Variants in FOXP4 observed in about 807,000 individuals in gnomAD.
FOXP4 encodes the protein forkhead box protein P4.
In FOXP4, 25 loss-of-function variants were observed where a neutral mutation model predicts 82.6. The observed-to-expected ratio is 0.30, with a 90% CI of 0.22 to 0.42. FOXP4 has a LOEUF of 0.42. FOXP4 is among the 10% of genes least tolerant of loss of function. FOXP4 has a pLI of 1.00. For synonymous variants in FOXP4, 415 were observed against 388.2 expected, an observed-to-expected ratio of 1.07 and a Z score of -0.81; for missense variants, 785 against 900.9, an observed-to-expected ratio of 0.87 and a Z score of 1.65.
At chr6:41,584,167 C>T (rs1267574398) in intron 3 of FOXP4, among the ~76,000 whole-genome samples, 1 of 152,226 alleles carries the variant, frequency 6.6e-6, no homozygotes, top group Non-Finnish European at 1.5e-5. Flanking sequence ...CTGTGGGCTT[C>T]ACCTCTGGCC....
chr6:41,566,611 A>G (rs1764895184), intron 2 of FOXP4, among the ~76,000 whole-genome samples: 1 of 152,222 alleles, frequency 6.6e-6, no homozygotes, highest in Non-Finnish European at 1.5e-5. Context: ...TAGAGGCACT[A>G]GGATGGGTCT....
chr6:41,590,235 A>G (rs928847564), intron 11 of FOXP4, 36 bp from the exon 12 acceptor site: 32 of 1,612,876 alleles, frequency 2.0e-5, no homozygotes, highest in Non-Finnish European at 2.5e-5. Flanking sequence ...TCTGAGCCCC[A>G]TATCTGGCTA....
chr6:41,589,927 G>T, intron 10 of FOXP4, 36 bp from the exon 11 acceptor site: 1 of 1,603,728 alleles, frequency 6.2e-7, no homozygotes, highest in Admixed American at 1.7e-5. Context: ...CCCCACCCTC[G>T]GGCACTGGTC....
intron 1 of FOXP4, among the ~76,000 whole-genome samples, chr6:41,565,308 C>T (rs9369290): frequency 0.35 from 52,903 of 151,942 alleles, 9,816 homozygotes; most frequent in African/African-American, 0.47. Flanking sequence ...TGCAGTGAGC[C>T]GAGATCGCAC....
intron 5 of FOXP4, among the ~76,000 whole-genome samples, chr6:41,586,455 G>A (rs767294456): frequency 1.3e-5 from 2 of 152,232 alleles, no homozygotes; most frequent in Admixed American, 6.5e-5. Flanking sequence ...CGAGTACAGG[G>A]CGCCTGGGCA....
In FOXP4 at chr6:41,598,893, A is replaced by G. The variant is rs1297364191; in HGVS notation, c.2000A>G (p.Asp667Gly). 3 of 1,607,324 alleles carry G rather than the reference A, an allele frequency of 1.9e-6. No homozygotes were observed. The highest frequency in any genetic ancestry group is 2.5e-6 in the Non-Finnish European group (3 of 1,177,914). Residue 667 changes from aspartate (D) to glycine (G), a missense_variant, in exon 17 of 17, where the codon GAC (aspartate) becomes GGC (glycine). This residue lies in a region of FOXP4 where 184 missense variants were observed against 187.3 expected (regional missense o/e 0.98). Transcript: ENST00000307972. ...CCCAGCGCCTCGGGGCCTCCGGAAG[A>G]CAGGGACCTGGAGGAGGAGCTGCCG... ...PNPSASGPPE[D>G]RDLEEELPGE...
Position 41,570,079 on chromosome 6 carries a change from GACAC to G in FOXP4, c.204+4150_204+4153del, listed in dbSNP as rs35549847. 5.3e-3 allele frequency: 660 copies of G among 123,880 alleles called. 5 individuals are homozygous for G. Among genetic ancestry groups the G allele is most frequent in the African/African-American group, 0.017 (447 of 26,176 alleles). 7.7% of individuals were successfully genotyped at this position (123,880 alleles called of 1,614,324 possible). ...GTGAATTTGCCCCCCACCACCCCCTGACACACACACACACACACACACACACACA... is the reference window on the plus strand; with the variant it reads ...GTGAATTTGCCCCCCACCACCCCCTGACACACACACACACACACACACACA... On this transcript the variant is annotated intron_variant, in intron 2 of 16. Transcript: ENST00000307972.
chr6:41,597,865 A>G lies in FOXP4; in HGVS notation c.1810A>G (p.Ser604Gly). The change falls in exon 16 of 17, where the codon AGC (serine) becomes GGC (glycine). Residue 604 changes from serine to glycine, a missense_variant. Ser to Gly is a moderately conservative substitution (Grantham distance 56, BLOSUM62 0). Around this residue, in one of 3 missense-constraint regions of FOXP4, gnomAD observed 184 missense variants for 187.3 expected, o/e 0.98. Transcript: ENST00000307972. The stretch of plus-strand genomic sequence containing the variant: ...CTCCGCCAGCAGCCTGCTGCCCCTC[A>G]GCCACGATGACGTGGGTGCCCCCGT... Reference protein sequence around the residue: ...PGSASSLLPLSHDDVGAPVEP... With the variant: ...PGSASSLLPLGHDDVGAPVEP... The G allele has an allele frequency of 6.3e-7, 1 of 1,599,440 alleles. No homozygotes were observed. Among genetic ancestry groups the G allele is most frequent in the East Asian group, 2.2e-5 (1 of 44,472 alleles).
At position 41,588,716 on chromosome 6, in the gene FOXP4, G is replaced by A; in HGVS notation, c.1050G>A (p.Gln350=). 1 of 1,613,762 alleles carries A rather than the reference G, an allele frequency of 6.2e-7. No individual in the cohort carries two copies. The highest frequency in any genetic ancestry group is 8.5e-7 in the Non-Finnish European group (1 of 1,180,024). The stretch of plus-strand genomic sequence containing the variant: ...GCCGGGTACAGATGCAGGTGGTGCA[G>A]CAGCTGGAGATCCAGGTGTGGCCCG... ...AQCRVQMQVV[Q]QLEIQLAKES... Residue 350 remains glutamine (Q), a synonymous_variant, in exon 9 of 17, where the codon CAG becomes CAA. Transcript: ENST00000307972.
chr6:41,567,876 G>A (rs1343129095), intron 2 of FOXP4, among the ~76,000 whole-genome samples: 1 of 152,214 alleles, frequency 6.6e-6, no homozygotes, highest in African/African-American at 2.4e-5. Context: ...AAATAAACTG[G>A]GGTGGGGAGT....
In FOXP4 at chr6:41,562,006, C is replaced by T. The variant is rs908049735; in HGVS notation, c.-16-3739C>T. Among the ~76,000 whole-genome samples the T allele has an allele frequency of 5.3e-5, 8 of 152,322 alleles. No homozygotes were observed. In the East Asian group the frequency reaches 1.5e-3, roughly 29 times the overall value. ...GATAATCAAGGCCTCCCGCCAGCACCCTTCCCCATCCTGTCTTTAGCTGAC... is the reference window on the plus strand; with the variant it reads ...GATAATCAAGGCCTCCCGCCAGCACTCTTCCCCATCCTGTCTTTAGCTGAC... On this transcript the variant is annotated intron_variant, in intron 1 of 16. Transcript: ENST00000307972.
chr6:41,589,032 G>A (rs560620726), intron 9 of FOXP4, among the ~76,000 whole-genome samples: 1 of 152,210 alleles, frequency 6.6e-6, no homozygotes, highest in South Asian at 2.1e-4. Flanking sequence ...ACTTTGTGCT[G>A]TGCTAAATAC....
chr6:41,565,936 C>T lies in FOXP4; in HGVS notation c.176C>T (p.Ala59Val), dbSNP rs200483856. 6.2e-7 allele frequency: 1 copy of T among 1,613,702 alleles called. No homozygotes were observed. The highest frequency in any genetic ancestry group is 2.2e-5 in the East Asian group (1 of 44,880). ...GADSNGEMSP[A>V]ELLHFQQQQA... ...GACAGCAATGGTGAGATGAGTCCCGCAGAGCTGCTGCACTTCCAGCAGCAA... is the reference window on the plus strand; with the variant it reads ...GACAGCAATGGTGAGATGAGTCCCGTAGAGCTGCTGCACTTCCAGCAGCAA... Residue 59 changes from alanine (A) to valine (V), a missense_variant, in exon 2 of 17, where the codon GCA becomes GTA. Physicochemically the swap from Ala to Val is moderately conservative, Grantham distance 64. Transcript: ENST00000307972.
intron 3 of FOXP4, among the ~76,000 whole-genome samples, chr6:41,581,065 G>A (rs1765772819): frequency 6.6e-6 from 1 of 152,190 alleles, no homozygotes; most frequent in Non-Finnish European, 1.5e-5. Context: ...AAGGTGGCTG[G>A]GGCCTTGGCT....
intron 1 of FOXP4, among the ~76,000 whole-genome samples, chr6:41,552,545 T>C (rs1764058560): frequency 6.6e-6 from 1 of 152,182 alleles, no homozygotes; most frequent in Non-Finnish European, 1.5e-5. Flanking sequence ...AGCTGAGCGC[T>C]CGCTTTGGAT....
chr6:41,572,408 G>A (rs909106838), intron 2 of FOXP4, among the ~76,000 whole-genome samples: 17 of 152,174 alleles, frequency 1.1e-4, no homozygotes, highest in Admixed American at 3.3e-4. Flanking sequence ...CGTGAGCCCC[G>A]TTAAAGATGC....
At chr6:41,588,798 C>A in intron 9 of FOXP4, 67 bp downstream of exon 9, 2 of 1,562,908 alleles carry the variant, frequency 1.3e-6, no homozygotes, top group Non-Finnish European at 1.8e-6. Context: ...ACAGCACTGA[C>A]TTGCTAGGTG....
chr6:41,597,776 T>A lies in FOXP4; in HGVS notation c.1726-5T>A. ...CTGACGAGGCCCAACCCTGTGCCCC[T>A]GCAGGCCGCCCTGGCCGAGAGCAGC... On this transcript the variant is annotated splice_polypyrimidine_tract_variant and splice_region_variant and intron_variant, in intron 15 of 16. Coordinates refer to ENST00000307972, the MANE Select transcript of FOXP4 (RefSeq NM_001012426.2). The A allele has an allele frequency of 4.4e-6, 7 of 1,604,790 alleles. No homozygotes were observed. The highest frequency in any genetic ancestry group is 4.2e-6 in the Non-Finnish European group (5 of 1,178,600).
Position 41,587,809 on chromosome 6 carries a change from AC to A in FOXP4, c.894del (p.Gly299AlafsTer68). 2 of 1,563,456 alleles carry A rather than the reference AC, an allele frequency of 1.3e-6. No individual in the cohort carries two copies. Among genetic ancestry groups the A allele is most frequent in the East Asian group, 2.4e-5 (1 of 41,946 alleles). On this transcript the variant is annotated frameshift_variant, in exon 8 of 17. Coordinates refer to ENST00000307972, the MANE Select transcript of FOXP4 (RefSeq NM_001012426.2). LOFTEE classifies it high-confidence loss of function. ...TCCTCCCAGCTCTTCCCACGAGGAG[AC>A]CCCCGGCTCCCACCCCCTGTACGGA... is the stretch of plus-strand genomic sequence containing the variant. The part of the protein sequence containing the change: ...SRRDSSSHEE[T>X]PGSHPLYGHG...
Sources: gnomAD v4.1 joint callset for allele counts (sites outside exome capture counted in the v4.1 genomes callset) on GRCh38, gnomAD v4.1.1 for gene constraint, gnomAD v4.1.1 regional missense constraint, MANE v1.5 for transcripts, NCBI Gene and HGNC (gene_info 2026-07-23, HGNC 2026-07-21) for gene names.